The following RNF121 variants were observed in gnomAD, a reference collection of about 807,000 sequenced individuals.
The protein encoded by RNF121 is E3 ubiquitin ligase RNF121.
In RNF121, 21 loss-of-function variants were observed where a neutral mutation model predicts 46.5. That is an observed-to-expected ratio of 0.45 (90% confidence interval 0.32 to 0.65). The LOEUF is 0.65. RNF121 is among the 30% of genes least tolerant of loss of function. The probability of loss-of-function intolerance (pLI) is 0.04; values close to 1 mark genes in which losing one functional copy is unlikely to be tolerated. For missense variants in RNF121, 346 were observed against 416.0 expected (o/e 0.83, Z 1.46); for synonymous variants, 139 against 144.7 (o/e 0.96, Z 0.28).
At chr11:71,966,997 G>A (rs1394568443) in intron 3 of RNF121, among the ~76,000 whole-genome samples, 13 of 146,580 alleles carry the variant, frequency 8.9e-5, no homozygotes, top group Admixed American at 1.4e-4. Context: ...TCAGCCTCCC[G>A]AGTAGCTGGG....
At chr11:71,966,805 C>T (rs1358568487) in intron 3 of RNF121, among the ~76,000 whole-genome samples, 4 of 151,494 alleles carry the variant, frequency 2.6e-5, no homozygotes, top group Non-Finnish European at 5.9e-5. Context: ...TTTTAAATAA[C>T]ATGTTTATAC....
chr11:71,967,476 A>G (rs901675719), intron 3 of RNF121, among the ~76,000 whole-genome samples: 2 of 151,184 alleles, frequency 1.3e-5, no homozygotes, highest in Admixed American at 1.3e-4. Flanking sequence ...CAGCCTCCCA[A>G]GTAGCTGGGA....
At chr11:71,995,619 A>C (rs1272374204) in intron 8 of RNF121, 68 bp downstream of exon 8, 2 of 1,285,468 alleles carry the variant, frequency 1.6e-6, no homozygotes, top group East Asian at 5.1e-5. Flanking sequence ...TGTGACCTGC[A>C]TTTGGGTCCT....
chr11:71,980,373 C>CCTG (rs1453316797), intron 3 of RNF121, among the ~76,000 whole-genome samples: 114 of 150,032 alleles, frequency 7.6e-4, no homozygotes, highest in African/African-American at 2.6e-3. Context: ...AAGATGGAGT[C>CCTG]TAACACTCTG....
chr11:71,932,891 G>C (rs1953307521), intron 1 of RNF121, among the ~76,000 whole-genome samples: 1 of 152,210 alleles, frequency 6.6e-6, no homozygotes, highest in Non-Finnish European at 1.5e-5. Flanking sequence ...GGTGGATTCT[G>C]CTGAACCCCT....
In RNF121 at chr11:71,964,319, A is replaced by G. The variant is rs886674984; in HGVS notation, c.243+3428A>G. 2.0e-5 allele frequency among the ~76,000 whole-genome samples: 3 copies of G among 152,136 alleles called. No homozygotes were observed. The South Asian group carries it at 6.2e-4, about 32-fold the overall frequency. On this transcript the variant is annotated intron_variant, in intron 3 of 8. Coordinates refer to ENST00000361756, the MANE Select transcript of RNF121 (RefSeq NM_018320.5). ...TTCCTTTTTGAATTATTCATTGCTA[A>G]TATATAGAATTTCAACTGATCGTTT... is the stretch of plus-strand genomic sequence containing the variant.
At chr11:71,929,895 G>A (rs1423618849) in intron 1 of RNF121, among the ~76,000 whole-genome samples, 1 of 152,184 alleles carries the variant, frequency 6.6e-6, no homozygotes, top group Non-Finnish European at 1.5e-5. Flanking sequence ...TTCAGCTTGG[G>A]ATAGGGAAGG....
intron 4 of RNF121, among the ~76,000 whole-genome samples, chr11:71,984,649 G>A (rs1954731761): frequency 6.6e-6 from 1 of 151,164 alleles, no homozygotes; most frequent in Admixed American, 6.6e-5. Context: ...CTGGAGTGCA[G>A]TTCACTGCAA....
At chr11:71,939,390 G>T in intron 1 of RNF121, 1 of 156,464 alleles carries the variant, frequency 6.4e-6, no homozygotes, top group Non-Finnish European at 1.4e-5. Context: ...CAGATACTTT[G>T]TGGCTTTTTG....
intron 2 of RNF121, among the ~76,000 whole-genome samples, chr11:71,959,487 A>G (rs969076832): frequency 6.6e-6 from 1 of 152,040 alleles, no homozygotes; most frequent in South Asian, 2.1e-4. Context: ...CCTCCCTCCT[A>G]AATACCCTGG....
At chr11:71,950,014 A>AACACAC (rs57734644) in intron 1 of RNF121, among the ~76,000 whole-genome samples, 244 of 150,636 alleles carry the variant, frequency 1.6e-3, no homozygotes, top group African/African-American at 5.5e-3. Flanking sequence ...AACAAAACAG[A>AACACAC]ACACACACAC....
intron 1 of RNF121, among the ~76,000 whole-genome samples, chr11:71,943,290 A>G (rs907367555): frequency 2.0e-5 from 3 of 152,208 alleles, no homozygotes; most frequent in African/African-American, 4.8e-5. Context: ...CTTTGACTTG[A>G]GTAAATGGCA....
chr11:71,969,958 C>T (rs912091908), intron 3 of RNF121, among the ~76,000 whole-genome samples: 8 of 152,104 alleles, frequency 5.3e-5, no homozygotes, highest in African/African-American at 1.2e-4. Context: ...AGGATAGAGA[C>T]GAGCACATAG....
At position 71,996,231 on chromosome 11, in the gene RNF121, G is replaced by A. The variant is rs1165249689; in HGVS notation, c.900G>A (p.Leu300=). The A allele has an allele frequency of 2.5e-6, 4 of 1,614,190 alleles. No individual in the cohort carries two copies. The highest frequency in any genetic ancestry group is 1.6e-4 in the Middle Eastern group (1 of 6,062). The change falls in exon 9 of 9, where the codon CTG becomes CTA. Residue 300 remains leucine, a synonymous_variant. Transcript: ENST00000361756. The part of the protein sequence containing the change: ...ERPHVMYGQL[L]DWLRYLVAWQ... ...CTCACGTCATGTATGGGCAACTGCT[G>A]GACTGGCTTCGATACTTGGTAGCCT... is the stretch of plus-strand genomic sequence containing the variant.
Position 71,931,019 on chromosome 11 carries a change from A to C in RNF121, c.63+1895A>C, listed in dbSNP as rs528397023. 2.6e-5 allele frequency among the ~76,000 whole-genome samples: 4 copies of C among 152,140 alleles called. No individual in the cohort carries two copies. In the East Asian group the frequency reaches 5.8e-4, roughly 22 times the overall value. ...GGCTGATTTTTTGTATTTTTAGTAGAGACAGGGTTTTTCCATGTTGGTCAG... is the reference window on the plus strand; with the variant it reads ...GGCTGATTTTTTGTATTTTTAGTAGCGACAGGGTTTTTCCATGTTGGTCAG... On this transcript the variant is annotated intron_variant, in intron 1 of 8. Coordinates refer to ENST00000361756, the MANE Select transcript of RNF121 (RefSeq NM_018320.5).
intron 1 of RNF121, among the ~76,000 whole-genome samples, chr11:71,937,990 C>T (rs1268793695): frequency 6.6e-6 from 1 of 152,228 alleles, no homozygotes; most frequent in Non-Finnish European, 1.5e-5. Context: ...GATGCTGGAT[C>T]ATGGCCATGG....
rs573035919 is a variant in RNF121, at chr11:71,979,270, ACCT to A, written c.244-3487_244-3485del. ...CCCTTCCTCCAAGAAAGGACGGAGG[ACCT>A]CCTTAGGGTGACCTATTGAGTTGGA... is the stretch of plus-strand genomic sequence containing the variant. On this transcript the variant is annotated intron_variant, in intron 3 of 8. Coordinates refer to ENST00000361756, the MANE Select transcript of RNF121 (RefSeq NM_018320.5). Among the ~76,000 whole-genome samples, 12 of 152,158 alleles carry A rather than the reference ACCT, an allele frequency of 7.9e-5. No individual in the cohort carries two copies. The East Asian group carries it at 2.3e-3, about 29-fold the overall frequency.
At chr11:71,946,679 A>G (rs1953727734) in intron 1 of RNF121, among the ~76,000 whole-genome samples, 1 of 150,056 alleles carries the variant, frequency 6.7e-6, no homozygotes, top group Non-Finnish European at 1.5e-5. Flanking sequence ...GACGGAAATG[A>G]TTTAAAATAA....
intron 2 of RNF121, among the ~76,000 whole-genome samples, chr11:71,959,002 C>T (rs1159401432): frequency 1.3e-5 from 2 of 152,180 alleles, no homozygotes; most frequent in African/African-American, 4.8e-5. Context: ...GTGTGCTCTA[C>T]CCTCTTAGCC....
Sources: gnomAD v4.1 joint callset for allele counts (sites outside exome capture counted in the v4.1 genomes callset) on GRCh38, gnomAD v4.1.1 for gene constraint, MANE v1.5 for transcripts, NCBI Gene and HGNC (gene_info 2026-07-23, HGNC 2026-07-21) for gene names.